Variants in HYCC1 observed in about 807,000 individuals in gnomAD.
HYCC1 encodes hyccin PI4KA lipid kinase complex subunit 1.
At chr7:22,982,551 G>A in the HYCC1 span, among the ~76,000 whole-genome samples, 2 of 152,132 alleles carry the variant, frequency 1.3e-5, no homozygotes, top group Non-Finnish European at 2.9e-5. Context: ...TGAATCTGCT[G>A]TTAGAGTCTA....
At chr7:22,918,877 A>G in the HYCC1 span, among the ~76,000 whole-genome samples, 1 of 152,128 alleles carries the variant, frequency 6.6e-6, no homozygotes. Context: ...AAAAAGCTTT[A>G]TTGCTCAAAG....
chr7:23,002,717 T>C, the HYCC1 span, among the ~76,000 whole-genome samples: 1 of 152,154 alleles, frequency 6.6e-6, no homozygotes, highest in Non-Finnish European at 1.5e-5. Context: ...TTAAGGGTAT[T>C]TGAGATTTTG....
chr7:22,905,032 A>G, the HYCC1 span, among the ~76,000 whole-genome samples: 1 of 151,956 alleles, frequency 6.6e-6, no homozygotes, highest in Admixed American at 6.6e-5. Context: ...CACAGCAAGA[A>G]AGGGAACAAG....
the HYCC1 span, among the ~76,000 whole-genome samples, chr7:22,971,659 G>T: frequency 8.0e-6 from 1 of 124,504 alleles, no homozygotes; most frequent in Non-Finnish European, 1.6e-5. Flanking sequence ...CTGGGCAACA[G>T]AGCAAGACCC....
the HYCC1 span, chr7:22,939,196 G>T: frequency 9.2e-5 from 14 of 152,172 alleles, no homozygotes; most frequent in African/African-American, 2.9e-4. Flanking sequence ...AAGCAATACT[G>T]CAATGAATAC....
chr7:22,955,344 A>AATTG, the HYCC1 span, among the ~76,000 whole-genome samples: 1 of 151,476 alleles, frequency 6.6e-6, no homozygotes, highest in Admixed American at 6.6e-5. Context: ...GTTCTTAATT[A>AATTG]ATAATCTACC....
chr7:22,923,931 C>G, the HYCC1 span, among the ~76,000 whole-genome samples: 5 of 143,224 alleles, frequency 3.5e-5, no homozygotes, highest in African/African-American at 1.3e-4. Flanking sequence ...CCCAGGCAGG[C>G]AGATCACTTG....
At chr7:22,983,608 T>C in the HYCC1 span, 2 of 261,496 alleles carry the variant, frequency 7.6e-6, no homozygotes, top group African/African-American at 4.5e-5. Context: ...ATAAAAACCA[T>C]GTGTTACTCA....
chr7:23,014,066 T>A, the HYCC1 span: 3 of 470,534 alleles, frequency 6.4e-6, no homozygotes, highest in East Asian at 2.1e-4. Context: ...CGGTGAGCCA[T>A]CTTCCCCCTC....
chr7:22,982,135 A>C, the HYCC1 span, among the ~76,000 whole-genome samples: 1 of 152,228 alleles, frequency 6.6e-6, no homozygotes, highest in Non-Finnish European at 1.5e-5. Context: ...GTATGGCTAT[A>C]CTTACCCTAT....
At chr7:22,924,750 C>G in the HYCC1 span, among the ~76,000 whole-genome samples, 1 of 152,258 alleles carries the variant, frequency 6.6e-6, no homozygotes, top group African/African-American at 2.4e-5. Flanking sequence ...GGCTCCACCT[C>G]TGGGGGCAGG....
the HYCC1 span, chr7:22,991,207 G>A: frequency 2.0e-6 from 2 of 1,003,804 alleles, no homozygotes; most frequent in Non-Finnish European, 3.1e-6. Flanking sequence ...ACTATGAACA[G>A]AGATAATCCT....
At chr7:22,954,610 ACTTT>A in the HYCC1 span, among the ~76,000 whole-genome samples, 1 of 151,514 alleles carries the variant, frequency 6.6e-6, no homozygotes, top group Non-Finnish European at 1.5e-5. Flanking sequence ...ATGAAACTGT[ACTTT>A]CTTTTTATTT....
chr7:22,935,093 C>G, the HYCC1 span: 6 of 152,246 alleles, frequency 3.9e-5, no homozygotes, highest in Admixed American at 6.5e-5. Context: ...CACCTTCTCT[C>G]TGGCGTTTTG....
chr7:22,914,278 TGGCTGCTCACCCACATTGCAGCCCAG>T, the HYCC1 span, among the ~76,000 whole-genome samples: 177 of 152,328 alleles, frequency 1.2e-3, 1 homozygote, highest in Non-Finnish European at 2.1e-3. Context: ...ACGCCCGCTT[TGGCTGCTCACCCACATTGCAGCCCAG>T]GGCTGCTCAC....
At chr7:22,918,782 C>T in the HYCC1 span, among the ~76,000 whole-genome samples, 1 of 152,022 alleles carries the variant, frequency 6.6e-6, no homozygotes, top group East Asian at 1.9e-4. Flanking sequence ...TTCCACTACC[C>T]ACCCAAATCC....
At chr7:22,986,572 G>A in the HYCC1 span, among the ~76,000 whole-genome samples, 1 of 152,238 alleles carries the variant, frequency 6.6e-6, no homozygotes, top group Non-Finnish European at 1.5e-5. Context: ...TTGACGCTGG[G>A]CGCGATGGCT....
the HYCC1 span, among the ~76,000 whole-genome samples, chr7:22,927,868 T>A: frequency 6.6e-6 from 1 of 151,892 alleles, no homozygotes; most frequent in East Asian, 1.9e-4. Context: ...CAAAGCCTGG[T>A]AGAGACACAA....
the HYCC1 span, among the ~76,000 whole-genome samples, chr7:23,012,473 G>A: frequency 6.6e-6 from 1 of 152,132 alleles, no homozygotes; most frequent in African/African-American, 2.4e-5. Context: ...AATCGAATAA[G>A]GATAAACGAG....
Sources: allele counts gnomAD v4.1 joint callset (sites outside exome capture counted in the v4.1 genomes callset), GRCh38; gene constraint gnomAD v4.1.1; transcripts MANE v1.5; gene names NCBI Gene and HGNC (gene_info 2026-07-23, HGNC 2026-07-21).